The following IFT140 variants were observed in gnomAD, a reference collection of about 807,000 sequenced individuals.
The protein encoded by IFT140 is intraflagellar transport 140.
A neutral mutation model predicts 164.6 loss-of-function variants in IFT140; 133 were observed. That is an observed-to-expected ratio of 0.81 (90% CI 0.70 to 0.93). The LOEUF (loss-of-function observed/expected upper bound fraction) is 0.93, where lower values mean the gene tolerates loss of function less well. Ranked by LOEUF, IFT140 falls within the 40% of genes least tolerant of loss-of-function variation. The probability of loss-of-function intolerance (pLI) is 0.00; values close to 1 mark genes in which losing one functional copy is unlikely to be tolerated. For synonymous variants in IFT140, 860 were observed against 817.3 expected, an observed-to-expected ratio of 1.05 and a Z score of -0.89; for missense variants, 2,045 against 1,972.3, an observed-to-expected ratio of 1.04 and a Z score of -0.70.
At chr16:1,559,735 G>C (rs1400174185) in intron 18 of IFT140, among the ~76,000 whole-genome samples, 1 of 152,246 alleles carries the variant, frequency 6.6e-6, no homozygotes, top group Non-Finnish European at 1.5e-5. Flanking sequence ...CTGACACTGA[G>C]TGTCTCAGGC....
chr16:1,582,957 T>C (rs965607992), intron 12 of IFT140, among the ~76,000 whole-genome samples: 2 of 152,208 alleles, frequency 1.3e-5, no homozygotes, highest in Non-Finnish European at 2.9e-5. Context: ...TAACGGAGCA[T>C]GTCTGAGGAG....
rs370198743 is a variant in IFT140, at chr16:1,606,926, GCACA to G, written c.147+190_147+193del. 6.7e-3 allele frequency among the ~76,000 whole-genome samples: 1,008 copies of G among 150,168 alleles called. 7 individuals are homozygous for G. The highest frequency in any genetic ancestry group is 8.8e-3 in the Admixed American group (132 of 15,046). ...CCCATATGCACACACCCACGTGTGC[GCACA>G]CACACACAGATGCAGACATACATAT... On this transcript the variant is annotated intron_variant, in intron 3 of 30. Transcript: ENST00000426508.
intron 19 of IFT140, chr16:1,555,241 G>A: frequency 1.7e-6 from 1 of 603,414 alleles, no homozygotes; most frequent in South Asian, 2.1e-5. Flanking sequence ...TCTGCCTCCA[G>A]CTTTCCTGGT....
intron 19 of IFT140, among the ~76,000 whole-genome samples, chr16:1,542,377 G>A (rs1484425970): frequency 1.3e-5 from 2 of 152,250 alleles, no homozygotes; most frequent in African/African-American, 2.4e-5. Context: ...AGTCTGTGGG[G>A]TCTGATTGCT....
intron 13 of IFT140, among the ~76,000 whole-genome samples, chr16:1,571,983 T>A (rs1228069354): frequency 1.3e-5 from 2 of 152,174 alleles, no homozygotes; most frequent in Non-Finnish European, 2.9e-5. Context: ...GCCGCAGGAA[T>A]ACTTGTTACG....
In IFT140 at chr16:1,564,295, A is replaced by G. The variant is rs1374054919; in HGVS notation, c.1902-133T>C. 4 of 618,490 alleles carry G rather than the reference A, an allele frequency of 6.5e-6. No individual in the cohort carries two copies. The highest frequency in any genetic ancestry group is 1.0e-5 in the Non-Finnish European group (4 of 392,918). The allele number at this position is 618,490 out of a possible 1,614,324, so 38.3% of individuals were successfully genotyped here. On this transcript the variant is annotated intron_variant, in intron 16 of 30. Transcript: ENST00000426508. This position sits in a 1 kb window ranked among gnomAD's most constrained non-coding sequence, Gnocchi z 5.5. ...TGTCCACGCGCTCAGCTCTGGGAGA[A>G]CTTTTGGGGTCTCACTGCCATGCGC... is the stretch of plus-strand genomic sequence containing the variant.
At chr16:1,520,396 C>A (rs764216478) in intron 27 of IFT140, 53 bp from the exon 28 acceptor site, 3 of 1,574,920 alleles carry the variant, frequency 1.9e-6, no homozygotes, top group Non-Finnish European at 2.6e-6. Flanking sequence ...CCGGGACAAG[C>A]ACAAGGGACC....
At chr16:1,535,491 A>T (rs2030973740) in intron 19 of IFT140, among the ~76,000 whole-genome samples, 2 of 152,180 alleles carry the variant, frequency 1.3e-5, no homozygotes, top group Admixed American at 1.3e-4. Context: ...TCGGGGTTGG[A>T]CGCTCCTTCT....
At chr16:1,524,421 G>T (rs1596303361) in intron 24 of IFT140, 131 bp downstream of exon 24, 5 of 1,237,986 alleles carry the variant, frequency 4.0e-6, no homozygotes, top group African/African-American at 3.0e-5. Context: ...GGCAGACGGG[G>T]TGAGCAGTGA....
intron 14 of IFT140, among the ~76,000 whole-genome samples, chr16:1,569,105 C>T (rs2033884222): frequency 1.3e-5 from 2 of 151,478 alleles, no homozygotes; most frequent in Admixed American, 1.3e-4. Context: ...CCCGGGTTCA[C>T]GCCATTCTCC....
intron 3 of IFT140, among the ~76,000 whole-genome samples, chr16:1,605,701 G>C (rs1368724938): frequency 6.6e-6 from 1 of 152,084 alleles, no homozygotes; most frequent in Non-Finnish European, 1.5e-5. Flanking sequence ...ACCGCACCTG[G>C]CACCTCATTT....
intron 17 of IFT140, 38 bp downstream of exon 17, chr16:1,563,959 G>T: frequency 6.6e-7 from 1 of 1,512,026 alleles, no homozygotes; most frequent in South Asian, 1.3e-5. Context: ...AATGGCCACT[G>T]AGTGTGTCTA....
At chr16:1,554,240 A>G in intron 19 of IFT140, 1 of 693,144 alleles carries the variant, frequency 1.4e-6, no homozygotes, top group Non-Finnish European at 2.1e-6. Flanking sequence ...GCCAAGAGCA[A>G]GAAAACTGTC....
chr16:1,571,736 A>T (rs2034024961), intron 13 of IFT140, among the ~76,000 whole-genome samples: 1 of 152,132 alleles, frequency 6.6e-6, no homozygotes, highest in Non-Finnish European at 1.5e-5. Context: ...GCTGGACTCT[A>T]GTGCTGCGGG....
intron 4 of IFT140, among the ~76,000 whole-genome samples, chr16:1,597,709 T>C (rs1486458143): frequency 2.0e-5 from 3 of 152,246 alleles, no homozygotes; most frequent in Admixed American, 6.5e-5. Context: ...TGCTCTTAAA[T>C]ATTCTGACTC....
At chr16:1,522,922 T>C (rs1048456016) in intron 26 of IFT140, among the ~76,000 whole-genome samples, 22 of 152,216 alleles carry the variant, frequency 1.4e-4, no homozygotes, top group African/African-American at 4.6e-4. Flanking sequence ...CATATTTCCA[T>C]TTGAATAAAC....
intron 7 of IFT140, among the ~76,000 whole-genome samples, chr16:1,589,301 G>A (rs1388682272): frequency 1.3e-5 from 2 of 152,178 alleles, no homozygotes; most frequent in African/African-American, 2.4e-5. Context: ...TGCAGCGAGT[G>A]TGACTCTCTT....
intron 7 of IFT140, among the ~76,000 whole-genome samples, chr16:1,588,539 T>TAATAATAATAATAATAAC (rs2035015204): frequency 6.6e-6 from 1 of 150,650 alleles, no homozygotes; most frequent in African/African-American, 2.5e-5. Flanking sequence ...ATAATAATAA[T>TAATAATAATAATAATAAC]AATAATAATA....
intron 6 of IFT140, among the ~76,000 whole-genome samples, chr16:1,590,787 A>T (rs1009032672): frequency 7.2e-5 from 11 of 152,036 alleles, no homozygotes; most frequent in African/African-American, 2.4e-4. Context: ...TTTTCAAGAG[A>T]CAGGTTCTCA....
Sources: allele counts gnomAD v4.1 joint callset (sites outside exome capture counted in the v4.1 genomes callset), GRCh38; gene constraint gnomAD v4.1.1; non-coding constraint Gnocchi (gnomAD v3.1); transcripts MANE v1.5; gene names NCBI Gene and HGNC (gene_info 2026-07-23, HGNC 2026-07-21).